Variants in KCNU1 observed in about 807,000 individuals in gnomAD.
KCNU1 encodes the protein potassium calcium-activated channel subfamily U member 1.
KCNU1 carries 93 observed loss-of-function variants against 126.8 expected under a neutral mutation model. The ratio of observed to expected loss-of-function variants is 0.73; its 90% confidence interval spans 0.62 to 0.87. The LOEUF (loss-of-function observed/expected upper bound fraction) is 0.87. Ranked by LOEUF, KCNU1 falls within the 40% of genes least tolerant of loss-of-function variation. KCNU1 has a pLI of 0.00. For missense variants in KCNU1, 1,330 were observed against 1,367.1 expected (o/e 0.97, Z 0.43); for synonymous variants, 523 against 494.2 (o/e 1.06, Z -0.77).
At chr8:36,807,335 C>T in intron 5 of KCNU1, 40 bp from the exon 6 acceptor site, 8 of 1,454,188 alleles carry the variant, frequency 5.5e-6, no homozygotes, top group Non-Finnish European at 7.7e-6. Flanking sequence ...TGGAGTGACC[C>T]TCTGATTTTG....
At chr8:36,890,553 A>G (rs1367233395) in intron 19 of KCNU1, among the ~76,000 whole-genome samples, 1 of 152,050 alleles carries the variant, frequency 6.6e-6, no homozygotes, top group Non-Finnish European at 1.5e-5. Flanking sequence ...ATGAAATCAT[A>G]TAAAATGCTC....
At chr8:36,864,265 C>A in intron 18 of KCNU1, 139 bp from the exon 19 acceptor site, 1 of 630,146 alleles carries the variant, frequency 1.6e-6, no homozygotes. Context: ...ACAATTCATC[C>A]TCTTAGAACT....
intron 23 of KCNU1, among the ~76,000 whole-genome samples, chr8:36,919,597 C>T (rs901806488): frequency 6.6e-6 from 1 of 151,948 alleles, no homozygotes; most frequent in African/African-American, 2.4e-5. Flanking sequence ...TGCTGGGGCA[C>T]CAGGGGACGC....
intron 10 of KCNU1, among the ~76,000 whole-genome samples, chr8:36,824,828 T>C (rs995566331): frequency 1.3e-5 from 2 of 152,322 alleles, no homozygotes; most frequent in African/African-American, 2.4e-5. Context: ...ATAATACTTA[T>C]TGTTATTGCT....
intron 19 of KCNU1, chr8:36,889,404 T>G (rs117655505): frequency 0.03 from 10,512 of 353,966 alleles, 225 homozygotes; most frequent in Non-Finnish European, 0.042. Flanking sequence ...CAAATGAGAC[T>G]GATGTCATCT....
chr8:36,824,229 A>G (rs976655012), intron 10 of KCNU1, among the ~76,000 whole-genome samples: 6 of 152,174 alleles, frequency 3.9e-5, no homozygotes, highest in African/African-American at 1.4e-4. Context: ...ACTACCACTC[A>G]AGTCAAGAAA....
chr8:36,920,932 C>T (rs1475936146), intron 23 of KCNU1, among the ~76,000 whole-genome samples: 1 of 152,142 alleles, frequency 6.6e-6, no homozygotes, highest in African/African-American at 2.4e-5. Context: ...TAATTTAAGG[C>T]ATTAGGGGAT....
chr8:36,904,007 G>A (rs780975223), intron 19 of KCNU1, among the ~76,000 whole-genome samples: 5 of 152,050 alleles, frequency 3.3e-5, no homozygotes, highest in Non-Finnish European at 7.4e-5. Context: ...GAGAACTACC[G>A]TTCAAGATGA....
At chr8:36,879,903 C>T (rs1208943841) in intron 19 of KCNU1, among the ~76,000 whole-genome samples, 2 of 152,164 alleles carry the variant, frequency 1.3e-5, no homozygotes, top group Non-Finnish European at 2.9e-5. Context: ...AGATGTTATT[C>T]ACTCCAACCG....
intron 24 of KCNU1, among the ~76,000 whole-genome samples, chr8:36,926,297 G>C (rs185403765): frequency 6.6e-6 from 1 of 152,250 alleles, no homozygotes; most frequent in East Asian, 1.9e-4. Context: ...TGCCCCTCCA[G>C]AAATCTATTT....
chr8:36,803,652 T>C (rs1208958661), intron 2 of KCNU1, among the ~76,000 whole-genome samples: 1 of 152,190 alleles, frequency 6.6e-6, no homozygotes, highest in East Asian at 1.9e-4. Flanking sequence ...ATAAATTGCA[T>C]AAAGCCTATT....
intron 10 of KCNU1, among the ~76,000 whole-genome samples, chr8:36,825,888 C>T (rs903296764): frequency 1.3e-4 from 19 of 151,892 alleles, no homozygotes; most frequent in Non-Finnish European, 2.2e-4. Context: ...TCTGTTGTTG[C>T]TATGAAGAAG....
intron 18 of KCNU1, among the ~76,000 whole-genome samples, chr8:36,853,729 T>C (rs1805433139): frequency 6.6e-6 from 1 of 152,182 alleles, no homozygotes; most frequent in African/African-American, 2.4e-5. Flanking sequence ...ATTATTCTGT[T>C]GTTAGATGGA....
intron 19 of KCNU1, among the ~76,000 whole-genome samples, chr8:36,896,503 T>G (rs982244184): frequency 1.3e-5 from 2 of 152,036 alleles, no homozygotes; most frequent in Non-Finnish European, 2.9e-5. Context: ...AGAAATTGAC[T>G]CAATTATATA....
At chr8:36,908,733 T>C (rs544814710) in intron 20 of KCNU1, among the ~76,000 whole-genome samples, 34 of 152,186 alleles carry the variant, frequency 2.2e-4, no homozygotes, top group Non-Finnish European at 4.0e-4. Context: ...CAGGAGTCTA[T>C]AGAATCAGTT....
chr8:36,900,486 G>A (rs1807371221), intron 19 of KCNU1, among the ~76,000 whole-genome samples: 1 of 152,086 alleles, frequency 6.6e-6, no homozygotes, highest in Non-Finnish European at 1.5e-5. Context: ...ACTACAATAT[G>A]TGTATAGGTG....
intron 16 of KCNU1, among the ~76,000 whole-genome samples, chr8:36,842,024 A>G (rs943478474): frequency 6.6e-6 from 1 of 152,158 alleles, no homozygotes; most frequent in Non-Finnish European, 1.5e-5. Context: ...TGAGGGCAAG[A>G]AAGACTGTGT....
intron 18 of KCNU1, among the ~76,000 whole-genome samples, chr8:36,858,594 G>A (rs1230527666): frequency 6.6e-6 from 1 of 152,078 alleles, no homozygotes; most frequent in Non-Finnish European, 1.5e-5. Context: ...ACACATACAA[G>A]CACACACATG....
In KCNU1 at chr8:36,814,367, T is replaced by A; in HGVS notation, c.893T>A (p.Leu298Gln). The A allele has an allele frequency of 6.2e-7, 1 of 1,606,620 alleles. No individual in the cohort carries two copies. The highest frequency in any genetic ancestry group is 8.5e-7 in the Non-Finnish European group (1 of 1,175,102). ...CGGACCTTCATCATGTTCTTCACAC[T>A]GGGGAGTTTGGTGAAGAATATTTTT... is the stretch of plus-strand genomic sequence containing the variant. Reference protein sequence around the residue: ...LGRTFIMFFTLGSLILFANYI... With the variant: ...LGRTFIMFFTQGSLILFANYI... The change falls in exon 8 of 27, where the codon CTG becomes CAG. Residue 298 changes from leucine to glutamine, a missense_variant. By Grantham distance (113) the Leu-to-Gln change is moderately radical. Around this residue, in one of 3 missense-constraint regions of KCNU1, gnomAD observed 1,054 missense variants for 1,053.9 expected, o/e 1.00. Coordinates refer to ENST00000399881, the MANE Select transcript of KCNU1 (RefSeq NM_001031836.3).
Sources: allele counts gnomAD v4.1 joint callset (sites outside exome capture counted in the v4.1 genomes callset), GRCh38; gene constraint gnomAD v4.1.1; regional missense constraint gnomAD v4.1.1; transcripts MANE v1.5; gene names NCBI Gene and HGNC (gene_info 2026-07-23, HGNC 2026-07-21).